CFAP52: variants seen among roughly 807,000 people sequenced by gnomAD.
CFAP52 encodes cilia- and flagella-associated protein 52.
CFAP52 carries 57 observed loss-of-function variants against 70.5 expected under a neutral mutation model. The ratio of observed to expected loss-of-function variants is 0.81; its 90% CI spans 0.65 to 1.01. The LOEUF (loss-of-function observed/expected upper bound fraction) is 1.01, where lower values mean the gene tolerates loss of function less well. Among genes scored for constraint, CFAP52 ranks in the 50% least tolerant of loss-of-function variants. The pLI, the probability that CFAP52 is intolerant of heterozygous loss-of-function variation, is 0.00. For synonymous variants in CFAP52, 267 were observed against 292.5 expected, an observed-to-expected ratio of 0.91 and a Z score of 0.89; for missense variants, 785 against 788.5, an observed-to-expected ratio of 1.00 and a Z score of 0.05.
At chr17:9,593,034 C>T (rs1210326797) in intron 3 of CFAP52, among the ~76,000 whole-genome samples, 1 of 152,186 alleles carries the variant, frequency 6.6e-6, no homozygotes, top group Non-Finnish European at 1.5e-5. Context: ...TCCTACCTCC[C>T]TATTCCTGGT....
chr17:9,602,095 G>A (rs1909292411), intron 6 of CFAP52, among the ~76,000 whole-genome samples: 1 of 152,050 alleles, frequency 6.6e-6, no homozygotes, highest in Admixed American at 6.6e-5. Context: ...CTTTTCAAGT[G>A]TGGTTTTTCT....
At chr17:9,580,647 C>T (rs573235472) in intron 1 of CFAP52, among the ~76,000 whole-genome samples, 3 of 148,636 alleles carry the variant, frequency 2.0e-5, no homozygotes, top group Non-Finnish European at 4.4e-5. Flanking sequence ...CATCACTGTA[C>T]CACTGCACTC....
intron 6 of CFAP52, among the ~76,000 whole-genome samples, chr17:9,607,375 A>C (rs1909531561): frequency 6.6e-6 from 1 of 152,208 alleles, no homozygotes; most frequent in Non-Finnish European, 1.5e-5. Flanking sequence ...CAAATAAATA[A>C]AATAAAATAT....
downstream of CFAP52, among the ~76,000 whole-genome samples, chr17:9,643,932 C>T (rs1481240263): frequency 6.6e-6 from 1 of 152,198 alleles, no homozygotes; most frequent in Non-Finnish European, 1.5e-5. Context: ...GTGTATTAAT[C>T]ACCCAGCCGG....
At chr17:9,641,936 C>T in intron 13 of CFAP52, 101 bp downstream of exon 13, 1 of 937,154 alleles carries the variant, frequency 1.1e-6, no homozygotes, top group Admixed American at 2.3e-5. Context: ...ACAAAAGGGT[C>T]TCAAGGCAAC....
At position 9,598,214 on chromosome 17, in the gene CFAP52, T is replaced by TG. The variant is rs1597774910; in HGVS notation, c.537-19dup. On this transcript the variant is annotated intron_variant, in intron 4 of 13. Coordinates refer to ENST00000352665, the MANE Select transcript of CFAP52 (RefSeq NM_145054.5). The stretch of plus-strand genomic sequence containing the variant: ...GGGTGTCCATTTGATTGTGGTTTTT[T>TG]GTTTTTTTTTTTTACATAGTGGGAC... 3.2e-5 allele frequency: 48 copies of TG among 1,516,092 alleles called. No individual in the cohort carries two copies. Among genetic ancestry groups the TG allele is most frequent in the Non-Finnish European group, 3.9e-5 (44 of 1,119,076 alleles). The allele number at this position is 1,516,092 out of a possible 1,614,324, so 93.9% of individuals were successfully genotyped here. A position where few individuals can be genotyped will look rare whatever the true frequency, so the allele number is the denominator to read the frequency against.
In CFAP52 at chr17:9,636,246, A is replaced by G. The variant is rs78394376; in HGVS notation, c.1472+690A>G. On this transcript the variant is annotated intron_variant, in intron 11 of 13. Coordinates refer to ENST00000352665, the MANE Select transcript of CFAP52 (RefSeq NM_145054.5). ...AAGAAAGAAAGAAAGAAAGAAAGAAAGAAAGAGAAAGAAAAATAACTAATG... is the reference window on the plus strand; with the variant it reads ...AAGAAAGAAAGAAAGAAAGAAAGAAGGAAAGAGAAAGAAAAATAACTAATG... Among the ~76,000 whole-genome samples the G allele has an allele frequency of 3.1e-4, 37 of 118,504 alleles. No homozygotes were observed. In the East Asian group the frequency reaches 0.013, roughly 41 times the overall value. The allele number at this position is 118,504 out of a possible 152,430, so 77.7% of individuals were successfully genotyped here. A position where few individuals can be genotyped will look rare whatever the true frequency, so the allele number is the denominator to read the frequency against.
At chr17:9,616,711 A>G (rs1334054356) in intron 8 of CFAP52, among the ~76,000 whole-genome samples, 1 of 147,800 alleles carries the variant, frequency 6.8e-6, no homozygotes, top group Non-Finnish European at 1.5e-5. Flanking sequence ...GGGCAGCCTA[A>G]CTGGGAGGCA....
At chr17:9,615,795 CTTTTTTTTTTT>C (rs1190663709) in intron 8 of CFAP52, among the ~76,000 whole-genome samples, 2 of 67,398 alleles carry the variant, frequency 3.0e-5, no homozygotes, top group East Asian at 5.0e-4. Flanking sequence ...AAAAAAAATT[CTTTTTTTTTTT>C]TTTTTTTTTT....
At chr17:9,631,861 G>A (rs564574017) in intron 9 of CFAP52, among the ~76,000 whole-genome samples, 8 of 149,938 alleles carry the variant, frequency 5.3e-5, no homozygotes, top group African/African-American at 7.4e-5. Flanking sequence ...TCCGCCTCCC[G>A]GGTTCAAGCG....
At chr17:9,627,558 G>A (rs1162866165) in intron 8 of CFAP52, among the ~76,000 whole-genome samples, 1 of 152,042 alleles carries the variant, frequency 6.6e-6, no homozygotes. Context: ...TCACAGGAAA[G>A]GGTTTGTTTA....
chr17:9,597,803 A>AAGAGAGAGAG (rs10548437), intron 4 of CFAP52, among the ~76,000 whole-genome samples: 65 of 139,010 alleles, frequency 4.7e-4, no homozygotes, highest in African/African-American at 1.7e-3. Flanking sequence ...CTCTGTCAGA[A>AAGAGAGAGAG]AGAGAGAGAG....
At chr17:9,587,455 A>T (rs533530947) in intron 3 of CFAP52, among the ~76,000 whole-genome samples, 1 of 152,340 alleles carries the variant, frequency 6.6e-6, no homozygotes, top group South Asian at 2.1e-4. Context: ...CCTGCTTTCC[A>T]CAATGGTTCA....
At chr17:9,577,292 G>C (rs996349597) in intron 1 of CFAP52, among the ~76,000 whole-genome samples, 1 of 152,218 alleles carries the variant, frequency 6.6e-6, no homozygotes, top group East Asian at 1.9e-4. Flanking sequence ...CTAATCCTAA[G>C]GAAGGTTTCT....
rs1350017977 is a variant in CFAP52 at position 9,632,943 on chromosome 17, T to C, written c.1230T>C (p.Tyr410=). ...AFAPETGRLM[Y]VINNAHRIGV... is the part of the protein sequence containing the mutation. ...CCCCAGAGACAGGCCGACTGATGTA[T>C]GTCATTAACAATGCTCACAGGATCG... is the stretch of plus-strand genomic sequence containing the variant. Residue 410 remains tyrosine (Y), a synonymous_variant, in exon 10 of 14, where the codon TAT becomes TAC. Transcript: ENST00000352665. 6.2e-7 allele frequency: 1 copy of C among 1,614,238 alleles called. No homozygotes were observed. The highest frequency in any genetic ancestry group is 8.5e-7 in the Non-Finnish European group (1 of 1,180,038).
chr17:9,584,304 T>G, intron 1 of CFAP52: 1 of 1,289,320 alleles, frequency 7.8e-7, no homozygotes, highest in South Asian at 1.2e-5. Flanking sequence ...GGCAGATATT[T>G]GGAGTACGGG....
chr17:9,595,942 C>A (rs1567623810), intron 4 of CFAP52, among the ~76,000 whole-genome samples: 1 of 149,168 alleles, frequency 6.7e-6, no homozygotes, highest in East Asian at 2.0e-4. Flanking sequence ...TGAGTACTTA[C>A]TATATATATA....
chr17:9,610,487 T>C (rs1397153731), intron 7 of CFAP52: 1 of 152,062 alleles, frequency 6.6e-6, no homozygotes, highest in Non-Finnish European at 1.5e-5. Context: ...GGAAGATGTA[T>C]GATCAAAATG....
Position 9,612,344 on chromosome 17 carries a change from C to T in CFAP52, c.890C>T (p.Thr297Ile). The T allele has an allele frequency of 6.2e-7, 1 of 1,614,210 alleles. No homozygotes were observed. ...TTACAAGGCGGCATCACTTCTATCACACTTCGAGGAGAAGGACACCAGTTT... is the reference window on the plus strand; with the variant it reads ...TTACAAGGCGGCATCACTTCTATCATACTTCGAGGAGAAGGACACCAGTTT... Reference protein sequence around the residue: ...IQLQGGITSITLRGEGHQFLV... With the variant: ...IQLQGGITSIILRGEGHQFLV... Residue 297 changes from threonine (T) to isoleucine (I), a missense_variant, in exon 8 of 14, where the codon ACA becomes ATA. By Grantham distance (89) the Thr-to-Ile change is moderately conservative (BLOSUM62 -1). Coordinates refer to ENST00000352665, the MANE Select transcript of CFAP52 (RefSeq NM_145054.5).
Sources: allele counts gnomAD v4.1 joint callset (sites outside exome capture counted in the v4.1 genomes callset), GRCh38; gene constraint gnomAD v4.1.1; transcripts MANE v1.5; gene names NCBI Gene and HGNC (gene_info 2026-07-23, HGNC 2026-07-21).